The following FCHSD2 variants were observed in gnomAD, a reference collection of about 807,000 sequenced individuals.
FCHSD2 encodes FCH and double SH3 domains 2.
FCHSD2 carries 38 observed loss-of-function variants against 108.1 expected under a neutral mutation model. That is an observed-to-expected ratio of 0.35 (90% CI 0.27 to 0.46). The LOEUF is 0.46. Ranked by LOEUF, FCHSD2 falls within the 20% of genes least tolerant of loss-of-function variation. The pLI is 1.00. For missense variants in FCHSD2, 751 were observed against 897.8 expected, an observed-to-expected ratio of 0.84 and a Z score of 2.09; for synonymous variants, 279 against 314.7, an observed-to-expected ratio of 0.89 and a Z score of 1.20.
intron 2 of FCHSD2, among the ~76,000 whole-genome samples, chr11:73,116,692 T>G (rs1053579908): frequency 2.6e-5 from 4 of 152,102 alleles, no homozygotes; most frequent in African/African-American, 9.7e-5. Context: ...TACACCACCA[T>G]GCCCAGCTAA....
chr11:73,056,999 C>T (rs769750999), intron 3 of FCHSD2, among the ~76,000 whole-genome samples: 1 of 152,072 alleles, frequency 6.6e-6, no homozygotes, highest in African/African-American at 2.4e-5. Flanking sequence ...AGGAGAATGG[C>T]GTGAACCCAG....
chr11:73,085,059 C>T (rs1342739447), intron 2 of FCHSD2, among the ~76,000 whole-genome samples: 1 of 151,500 alleles, frequency 6.6e-6, no homozygotes, highest in East Asian at 1.9e-4. Flanking sequence ...GACTTGATTT[C>T]TTATATAAAA....
At chr11:73,032,379 T>C (rs1025342880) in intron 3 of FCHSD2, among the ~76,000 whole-genome samples, 7 of 151,952 alleles carry the variant, frequency 4.6e-5, no homozygotes, top group Admixed American at 3.3e-4. Context: ...CAGGTGTGCA[T>C]TGCCTGGTTA....
At chr11:72,845,421 G>A (rs1438477328) in intron 14 of FCHSD2, among the ~76,000 whole-genome samples, 3 of 129,346 alleles carry the variant, frequency 2.3e-5, no homozygotes, top group African/African-American at 9.5e-5. Flanking sequence ...CTGGGTGACA[G>A]AGCAAGACCC....
chr11:72,860,754 G>A (rs762505026), intron 13 of FCHSD2, among the ~76,000 whole-genome samples: 1 of 151,822 alleles, frequency 6.6e-6, no homozygotes, highest in Admixed American at 6.6e-5. Context: ...GGAGGAGGAG[G>A]TTGCCGTCAG....
intron 2 of FCHSD2, among the ~76,000 whole-genome samples, chr11:73,086,424 C>T (rs1183340123): frequency 6.6e-6 from 1 of 151,706 alleles, no homozygotes; most frequent in African/African-American, 2.4e-5. Flanking sequence ...AACAAACAAA[C>T]AAAAAACAAA....
chr11:72,960,670 G>T (rs1164560135), intron 8 of FCHSD2, among the ~76,000 whole-genome samples: 1 of 152,118 alleles, frequency 6.6e-6, no homozygotes, highest in African/African-American at 2.4e-5. Flanking sequence ...AAGATTTCTA[G>T]TAAAATAGTA....
intron 8 of FCHSD2, chr11:72,940,619 GC>G: frequency 1.4e-6 from 2 of 1,442,680 alleles, no homozygotes; most frequent in Non-Finnish European, 9.7e-7. Flanking sequence ...AGGGCTCCCC[GC>G]CCCACCCAGC....
chr11:72,991,182 T>G lies in FCHSD2; in HGVS notation c.388-2085A>C, dbSNP rs1397161253. On this transcript the variant is annotated intron_variant, in intron 5 of 19. Coordinates refer to ENST00000409418, the MANE Select transcript of FCHSD2 (RefSeq NM_014824.3). Reference sequence around the variant, plus strand: ...ACCAGGAAGAAGTTGAATCTCTGAATAGACCAATAACAGGCCCTGAAATTG... The same window carrying G: ...ACCAGGAAGAAGTTGAATCTCTGAAGAGACCAATAACAGGCCCTGAAATTG... 2.0e-5 allele frequency among the ~76,000 whole-genome samples: 3 copies of G among 152,202 alleles called. No individual in the cohort carries two copies. The East Asian group carries it at 5.8e-4, about 29-fold the overall frequency.
intron 8 of FCHSD2, among the ~76,000 whole-genome samples, chr11:72,959,794 A>ACC (rs1856788155): frequency 6.6e-6 from 1 of 151,980 alleles, no homozygotes; most frequent in African/African-American, 2.4e-5. Flanking sequence ...CATGTACATT[A>ACC]TATGCTGATG....
At chr11:73,025,749 A>C (rs1858213163) in intron 3 of FCHSD2, among the ~76,000 whole-genome samples, 1 of 152,184 alleles carries the variant, frequency 6.6e-6, no homozygotes, top group African/African-American at 2.4e-5. Context: ...CTATATCTCT[A>C]AATTGGTATA....
chr11:73,097,207 C>A (rs770816220), intron 2 of FCHSD2, among the ~76,000 whole-genome samples: 71 of 150,652 alleles, frequency 4.7e-4, no homozygotes, highest in Non-Finnish European at 4.1e-4. Flanking sequence ...TTTCACCATG[C>A]TGCCCAGGCT....
chr11:72,918,376 CTTT>C (rs1183507931), intron 9 of FCHSD2, among the ~76,000 whole-genome samples: 1 of 152,002 alleles, frequency 6.6e-6, no homozygotes, highest in Admixed American at 6.6e-5. Context: ...CCTTTTATTT[CTTT>C]TTCTTACCGA....
intron 12 of FCHSD2, among the ~76,000 whole-genome samples, chr11:72,875,772 C>T (rs1454518794): frequency 6.6e-6 from 1 of 152,226 alleles, no homozygotes; most frequent in East Asian, 1.9e-4. Context: ...TGATTCTGGG[C>T]TTGTCCATGT....
At chr11:73,135,345 C>A (rs1419299859) in intron 2 of FCHSD2, among the ~76,000 whole-genome samples, 1 of 152,188 alleles carries the variant, frequency 6.6e-6, no homozygotes, top group African/African-American at 2.4e-5. Context: ...TTCCCACTTT[C>A]ATCTATAAAA....
intron 8 of FCHSD2, among the ~76,000 whole-genome samples, chr11:72,974,053 A>G (rs1309216936): frequency 3.2e-5 from 4 of 124,030 alleles, no homozygotes; most frequent in African/African-American, 6.1e-5. Context: ...AGCAGAGTTG[A>G]TAACAGACAG....
At chr11:72,913,837 A>AC (rs1461209158) in intron 9 of FCHSD2, among the ~76,000 whole-genome samples, 7 of 151,428 alleles carry the variant, frequency 4.6e-5, no homozygotes, top group Non-Finnish European at 1.0e-4. Context: ...AAAAAAAACA[A>AC]AAAAAAAAAC....
chr11:72,991,985 A>G (rs961712564), intron 5 of FCHSD2, among the ~76,000 whole-genome samples: 1 of 152,238 alleles, frequency 6.6e-6, no homozygotes, highest in Admixed American at 6.5e-5. Flanking sequence ...CTGTTTGTAG[A>G]TGACATGATT....
At chr11:73,049,696 A>AG (rs1858852357) in intron 3 of FCHSD2, among the ~76,000 whole-genome samples, 1 of 151,550 alleles carries the variant, frequency 6.6e-6, no homozygotes, top group African/African-American at 2.4e-5. Flanking sequence ...AAAAAAAAAA[A>AG]AAAAAGAAAA....
Sources: allele counts gnomAD v4.1 joint callset (sites outside exome capture counted in the v4.1 genomes callset), GRCh38; gene constraint gnomAD v4.1.1; transcripts MANE v1.5; gene names NCBI Gene and HGNC (gene_info 2026-07-23, HGNC 2026-07-21).